BANK1: variants seen among roughly 807,000 people sequenced by gnomAD.
BANK1 encodes B-cell scaffold protein with ankyrin repeats.
BANK1 carries 95 observed loss-of-function variants against 94.5 expected under a neutral mutation model. The observed-to-expected ratio is 1.00, with a 90% CI of 0.85 to 1.19. BANK1 has a LOEUF of 1.19. Ranked by LOEUF, BANK1 falls within the 50% of genes most tolerant of loss-of-function variation. The probability of loss-of-function intolerance (pLI) is 0.00; values close to 1 mark genes in which losing one functional copy is unlikely to be tolerated. For synonymous variants in BANK1, 334 were observed against 308.4 expected, an observed-to-expected ratio of 1.08 and a Z score of -0.87; for missense variants, 987 against 932.2, an observed-to-expected ratio of 1.06 and a Z score of -0.77.
chr4:101,969,165 C>T (rs937186269), intron 7 of BANK1, among the ~76,000 whole-genome samples: 8 of 152,030 alleles, frequency 5.3e-5, no homozygotes, highest in African/African-American at 1.9e-4. Context: ...ACACAGAGAA[C>T]AGGGTCAGAC....
intron 5 of BANK1, among the ~76,000 whole-genome samples, chr4:101,889,321 A>G (rs2148888662): frequency 6.6e-6 from 1 of 152,118 alleles, no homozygotes; most frequent in African/African-American, 2.4e-5. Context: ...AAGTCTTGCT[A>G]GAAGTTTGTC....
intron 1 of BANK1, among the ~76,000 whole-genome samples, chr4:101,821,471 A>G (rs112630897): frequency 0.041 from 6,253 of 151,904 alleles, 364 homozygotes; most frequent in African/African-American, 0.13. Context: ...CCATTTGTCA[A>G]TTTTCACTTT....
chr4:101,798,313 CT>C (rs766892863), intron 1 of BANK1, among the ~76,000 whole-genome samples: 1 of 152,144 alleles, frequency 6.6e-6, no homozygotes, highest in Non-Finnish European at 1.5e-5. Flanking sequence ...AAGGATTTTA[CT>C]TTCATTGTTG....
chr4:101,943,799 T>C (rs1311181501), intron 7 of BANK1, among the ~76,000 whole-genome samples: 1 of 151,894 alleles, frequency 6.6e-6, no homozygotes, highest in African/African-American at 2.4e-5. Context: ...TTTGTATTCA[T>C]TGTTATGAAA....
intron 7 of BANK1, among the ~76,000 whole-genome samples, chr4:101,980,526 C>T (rs1354940160): frequency 6.6e-6 from 1 of 151,596 alleles, no homozygotes; most frequent in Non-Finnish European, 1.5e-5. Context: ...AAGGCTGCTC[C>T]CCTCCTCCCG....
chr4:101,989,896 C>T (rs1445997791), intron 7 of BANK1, among the ~76,000 whole-genome samples: 1 of 152,178 alleles, frequency 6.6e-6, no homozygotes, highest in Non-Finnish European at 1.5e-5. Context: ...CTAGATTTCT[C>T]CACTACACAG....
Position 101,999,397 on chromosome 4 carries a change from TAA to T in BANK1, c.1207-22116_1207-22115del, listed in dbSNP as rs148758410. On this transcript the variant is annotated intron_variant, in intron 7 of 16. Coordinates refer to ENST00000322953, the MANE Select transcript of BANK1 (RefSeq NM_017935.5). ...TCTGCTTCTGCCCTAGTACTAATAT[TAA>T]GTGAGGTCTCCTTGTTTCAAAGAAA... Among the ~76,000 whole-genome samples, 1,436 of 152,326 alleles carry T rather than the reference TAA, an allele frequency of 9.4e-3. 9 individuals carry two copies. Among genetic ancestry groups the T allele is most frequent in the Middle Eastern group, 0.027 (8 of 294 alleles).
At chr4:102,016,843 C>T (rs576455306) in intron 7 of BANK1, among the ~76,000 whole-genome samples, 7 of 151,822 alleles carry the variant, frequency 4.6e-5, no homozygotes, top group Non-Finnish European at 1.0e-4. Context: ...GACACGCCCA[C>T]GAATAATAAG....
chr4:101,975,227 G>A (rs1725085546), intron 7 of BANK1, among the ~76,000 whole-genome samples: 1 of 152,128 alleles, frequency 6.6e-6, no homozygotes, highest in African/African-American at 2.4e-5. Context: ...AAGCAGATTT[G>A]GAGATAACAT....
chr4:102,004,604 A>C (rs1476147093), intron 7 of BANK1, among the ~76,000 whole-genome samples: 1 of 152,170 alleles, frequency 6.6e-6, no homozygotes, highest in African/African-American at 2.4e-5. Context: ...CTTCCACAAG[A>C]TGGAATCTGT....
chr4:101,960,995 G>A (rs1724548661), intron 7 of BANK1, among the ~76,000 whole-genome samples: 1 of 152,116 alleles, frequency 6.6e-6, no homozygotes, highest in South Asian at 2.1e-4. Flanking sequence ...TGAGAAGCAA[G>A]AGAAAAGGAG....
intron 5 of BANK1, among the ~76,000 whole-genome samples, chr4:101,874,304 G>A (rs990846579): frequency 1.3e-5 from 2 of 152,146 alleles, no homozygotes; most frequent in Admixed American, 6.5e-5. Flanking sequence ...ACTTCTCCCT[G>A]TGCTTCTGTT....
chr4:101,815,318 A>C (rs557439765), intron 1 of BANK1, among the ~76,000 whole-genome samples: 1 of 152,172 alleles, frequency 6.6e-6, no homozygotes, highest in Non-Finnish European at 1.5e-5. Flanking sequence ...GGTATTTGCC[A>C]TCTTTTATAT....
rs200837139 is a variant in BANK1, at chr4:101,809,503, T to TA, written c.70+18559dup. On this transcript the variant is annotated intron_variant, in intron 1 of 16. Transcript: ENST00000322953. ...TACTGAAATAAATATATATAAAAAA[T>TA]AAAAAATAGTGGATACTGTTACAAA... 4.9e-3 allele frequency among the ~76,000 whole-genome samples: 739 copies of TA among 151,968 alleles called. 10 individuals carry two copies. The highest frequency in any genetic ancestry group is 0.017 in the African/African-American group (700 of 41,448).
At chr4:102,062,733 C>A in intron 12 of BANK1, 1 of 233,040 alleles carries the variant, frequency 4.3e-6, no homozygotes, top group Non-Finnish European at 8.6e-6. Flanking sequence ...ATACAGACCC[C>A]ACAAGAATTG....
intron 7 of BANK1, among the ~76,000 whole-genome samples, chr4:102,007,083 T>TATGATATATTTATATATATATAA (rs1726296420): frequency 1.4e-5 from 1 of 72,310 alleles, no homozygotes; most frequent in Non-Finnish European, 3.4e-5. Context: ...TATATATAAA[T>TATGATATATTTATATATATATAA]ATATATATAA....
rs559117060 is a variant in BANK1 at position 102,044,301 on chromosome 4, G to A, written c.1969+394G>A. ...GCGGTGTTTGGTTTTTTGTTCTTGC[G>A]ACAGTTTACTGAGAATGATGATTTC... On this transcript the variant is annotated intron_variant, in intron 11 of 16. Coordinates refer to ENST00000322953, the MANE Select transcript of BANK1 (RefSeq NM_017935.5). Among the ~76,000 whole-genome samples, 32 of 152,082 alleles carry A rather than the reference G, an allele frequency of 2.1e-4. 1 individual carries two copies. The South Asian group carries it at 3.9e-3, about 19-fold the overall frequency.
intron 5 of BANK1, among the ~76,000 whole-genome samples, chr4:101,882,465 C>G (rs968086141): frequency 3.9e-5 from 6 of 152,128 alleles, no homozygotes; most frequent in African/African-American, 1.4e-4. Context: ...TAACAGCATA[C>G]AATTCTAGTC....
At chr4:101,910,128 A>G (rs4385063) in intron 6 of BANK1, among the ~76,000 whole-genome samples, 123,547 of 152,010 alleles carry the variant, frequency 0.81, 50,847 homozygotes, top group Non-Finnish European at 0.89. Flanking sequence ...CTTCAGAGTC[A>G]CTTGAAGGAT....
Sources: allele counts gnomAD v4.1 joint callset (sites outside exome capture counted in the v4.1 genomes callset), GRCh38; gene constraint gnomAD v4.1.1; transcripts MANE v1.5; gene names NCBI Gene and HGNC (gene_info 2026-07-23, HGNC 2026-07-21).